The following SLC9A9 variants were observed in gnomAD, a reference collection of about 807,000 sequenced individuals.
SLC9A9 encodes the protein solute carrier family 9 member A9, also known as sodium/hydrogen exchanger 9.
SLC9A9 carries 62 observed loss-of-function variants against 77.8 expected under a neutral mutation model. The ratio of observed to expected loss-of-function variants is 0.80; its 90% CI spans 0.65 to 0.98. SLC9A9 has a LOEUF of 0.98. SLC9A9 is among the 50% of genes least tolerant of loss of function. The probability of loss-of-function intolerance (pLI) is 0.00; values close to 1 mark genes in which losing one functional copy is unlikely to be tolerated. For synonymous variants in SLC9A9, 320 were observed against 283.5 expected (o/e 1.13, Z -1.29); for missense variants, 775 against 774.9 (o/e 1.00, Z 0.00).
At chr3:143,723,715 T>A (rs1934563202) in intron 4 of SLC9A9, among the ~76,000 whole-genome samples, 1 of 152,182 alleles carries the variant, frequency 6.6e-6, no homozygotes, top group South Asian at 2.1e-4. Context: ...AGGAGCATGG[T>A]CAGGGGACCA....
intron 9 of SLC9A9, among the ~76,000 whole-genome samples, chr3:143,539,577 C>T (rs942337463): frequency 6.6e-6 from 1 of 151,956 alleles, no homozygotes. Context: ...TTCTAAAATG[C>T]CATTATGAGA....
At chr3:143,563,951 A>C (rs1212266743) in intron 8 of SLC9A9, among the ~76,000 whole-genome samples, 4 of 152,096 alleles carry the variant, frequency 2.6e-5, no homozygotes, top group African/African-American at 9.7e-5. Flanking sequence ...CTTGACCTCT[A>C]TCTCCTCAAG....
intron 4 of SLC9A9, among the ~76,000 whole-genome samples, chr3:143,762,204 G>T (rs1560067898): frequency 6.6e-6 from 1 of 152,124 alleles, no homozygotes; most frequent in Non-Finnish European, 1.5e-5. Flanking sequence ...GGTTGGGGGA[G>T]GGGGAAGGGA....
chr3:143,771,737 C>T (rs893210344), intron 4 of SLC9A9, among the ~76,000 whole-genome samples: 1 of 152,192 alleles, frequency 6.6e-6, no homozygotes, highest in Admixed American at 6.5e-5. Flanking sequence ...TCCCTCGTCA[C>T]CTTTCTTGCT....
At chr3:143,758,675 G>C (rs528976555) in intron 4 of SLC9A9, among the ~76,000 whole-genome samples, 1 of 152,238 alleles carries the variant, frequency 6.6e-6, no homozygotes, top group African/African-American at 2.4e-5. Flanking sequence ...GACTCAGACT[G>C]GGGGAAAGTC....
chr3:143,735,739 T>C (rs2108813187), intron 4 of SLC9A9, among the ~76,000 whole-genome samples: 1 of 152,322 alleles, frequency 6.6e-6, no homozygotes, highest in South Asian at 2.1e-4. Context: ...ATAAATTGAG[T>C]GGATGCCTCA....
chr3:143,769,169 T>C (rs1427378171), intron 4 of SLC9A9, among the ~76,000 whole-genome samples: 1 of 152,204 alleles, frequency 6.6e-6, no homozygotes, highest in Non-Finnish European at 1.5e-5. Context: ...TTACTGCTCA[T>C]AATTAAAAAT....
intron 9 of SLC9A9, among the ~76,000 whole-genome samples, chr3:143,522,625 T>C (rs1559951635): frequency 6.6e-6 from 1 of 152,060 alleles, no homozygotes; most frequent in Admixed American, 6.6e-5. Flanking sequence ...GCATTTATAT[T>C]CCCACCAAAT....
At chr3:143,488,199 C>T (rs2035682720) in intron 11 of SLC9A9, among the ~76,000 whole-genome samples, 1 of 151,780 alleles carries the variant, frequency 6.6e-6, no homozygotes, top group Non-Finnish European at 1.5e-5. Context: ...AAGATTAAAG[C>T]ATGAAGAAAT....
At chr3:143,650,174 T>A (rs1379282666) in intron 6 of SLC9A9, among the ~76,000 whole-genome samples, 2 of 151,682 alleles carry the variant, frequency 1.3e-5, no homozygotes, top group Non-Finnish European at 2.9e-5. Context: ...TGTGTCAGGG[T>A]GCTATACATG....
Position 143,451,253 on chromosome 3 carries a change from G to T in SLC9A9, c.1469+15784C>A, listed in dbSNP as rs146666669. On this transcript the variant is annotated intron_variant, in intron 12 of 15. Coordinates refer to ENST00000316549, the MANE Select transcript of SLC9A9 (RefSeq NM_173653.4). Reference sequence around the variant, plus strand: ...AACAGCTATCTGTACTGAGTACAATGAAATCTGCATTAAAGCATATTTTGC... The same window carrying T: ...AACAGCTATCTGTACTGAGTACAATTAAATCTGCATTAAAGCATATTTTGC... 8.5e-3 allele frequency among the ~76,000 whole-genome samples: 1,299 copies of T among 152,166 alleles called. 6 individuals carry two copies. The highest frequency in any genetic ancestry group is 0.026 in the South Asian group (124 of 4,822).
chr3:143,411,121 A>G (rs769157070), intron 12 of SLC9A9, among the ~76,000 whole-genome samples: 5 of 152,182 alleles, frequency 3.3e-5, no homozygotes, highest in Non-Finnish European at 7.4e-5. Context: ...CTTTATGTCT[A>G]CAGGTGTCAT....
intron 14 of SLC9A9, among the ~76,000 whole-genome samples, chr3:143,340,009 C>A (rs1444616489): frequency 4.6e-5 from 7 of 152,124 alleles, no homozygotes; most frequent in Non-Finnish European, 1.0e-4. Flanking sequence ...GCACTGAGAA[C>A]ACAACACGAG....
intron 15 of SLC9A9, among the ~76,000 whole-genome samples, chr3:143,267,941 A>G (rs1382261132): frequency 6.6e-6 from 1 of 152,158 alleles, no homozygotes; most frequent in Non-Finnish European, 1.5e-5. Flanking sequence ...GATCACATGG[A>G]GGGCTTGTTA....
At chr3:143,307,581 TTGTC>T (rs1208515392) in intron 14 of SLC9A9, among the ~76,000 whole-genome samples, 10 of 152,240 alleles carry the variant, frequency 6.6e-5, no homozygotes, top group Admixed American at 6.5e-4. Context: ...CTTTCTGCTG[TTGTC>T]TGTCTGCACC....
intron 6 of SLC9A9, among the ~76,000 whole-genome samples, chr3:143,641,044 G>T (rs1300804437): frequency 6.6e-6 from 1 of 152,110 alleles, no homozygotes; most frequent in Non-Finnish European, 1.5e-5. Context: ...GAACTGAACA[G>T]GTGGATTCCT....
intron 2 of SLC9A9, 21 bp from the exon 3 acceptor site, chr3:143,796,924 G>A: frequency 6.3e-7 from 1 of 1,593,496 alleles, no homozygotes; most frequent in Non-Finnish European, 8.6e-7. Flanking sequence ...GGAAAAAAAG[G>A]ATAGTTAGAA....
Position 143,266,851 on chromosome 3 carries a change from A to G in SLC9A9, c.1789T>C (p.Ser597Pro), listed in dbSNP as rs772474873. ...AGCCTTGCAGGAGGACTGCAGGGTG[A>G]GGAGGCTTGCTCCTGGTAATTTATG... ...LAINYQEQAS[S>P]PCSPPARLGL... The change falls in exon 16 of 16, where the codon TCA becomes CCA. Residue 597 changes from serine to proline, a missense_variant. Ser to Pro is a moderately conservative substitution (Grantham distance 74). Transcript: ENST00000316549. 1.2e-6 allele frequency: 2 copies of G among 1,614,194 alleles called. No homozygotes were observed. The highest frequency in any genetic ancestry group is 2.7e-5 in the African/African-American group (2 of 75,058).
chr3:143,389,544 C>T (rs994992707), intron 12 of SLC9A9, among the ~76,000 whole-genome samples: 1 of 152,196 alleles, frequency 6.6e-6, no homozygotes, highest in Non-Finnish European at 1.5e-5. Context: ...CTGGGAATTT[C>T]CCCCAAGGGA....
Sources: allele counts gnomAD v4.1 joint callset (sites outside exome capture counted in the v4.1 genomes callset), GRCh38; gene constraint gnomAD v4.1.1; transcripts MANE v1.5; gene names NCBI Gene and HGNC (gene_info 2026-07-23, HGNC 2026-07-21).